The following RNF6 variants were observed in gnomAD, a reference collection of about 807,000 sequenced individuals.
The protein encoded by RNF6 is E3 ubiquitin-protein ligase RNF6.
A neutral mutation model predicts 50.1 loss-of-function variants in RNF6; 21 were observed. That is an observed-to-expected ratio of 0.42 (90% confidence interval 0.30 to 0.60). RNF6 has a LOEUF of 0.60. Ranked by LOEUF, RNF6 falls within the 20% of genes least tolerant of loss-of-function variation. RNF6 has a pLI of 0.20. For synonymous variants in RNF6, 255 were observed against 291.8 expected, an observed-to-expected ratio of 0.87 and a Z score of 1.29; for missense variants, 698 against 838.2, an observed-to-expected ratio of 0.83 and a Z score of 2.07.
intron 5 of RNF6, among the ~76,000 whole-genome samples, chr13:26,184,215 C>G (rs1027167743): frequency 2.6e-5 from 4 of 151,314 alleles, no homozygotes; most frequent in Admixed American, 6.6e-5. Context: ...GTATTTTTAG[C>G]AGAGACGGGG....
Position 26,163,831 on chromosome 13 carries a change from G to A in RNF6, n.769-31380C>T, listed in dbSNP as rs1447497753. On this transcript the variant is annotated intron_variant and non_coding_transcript_variant, in intron 5 of 5. Coordinates refer to the RNF6 transcript ENST00000468480. ...GATTTTCTTTTGGAAAATGGATTTT[G>A]AGATCAAAGAGGCTTAGGTTTTATT... 5.9e-5 allele frequency among the ~76,000 whole-genome samples: 9 copies of A among 152,188 alleles called. No homozygotes were observed. In the East Asian group the frequency reaches 1.7e-3, roughly 29 times the overall value.
At chr13:26,155,290 C>T (rs997640952) in intron 5 of RNF6, among the ~76,000 whole-genome samples, 11 of 152,164 alleles carry the variant, frequency 7.2e-5, no homozygotes, top group African/African-American at 2.6e-4. Context: ...ACAAACAAAT[C>T]CTAAATCTAT....
Position 26,134,646 on chromosome 13 carries a change from C to G in RNF6, n.769-2195G>C, listed in dbSNP as rs565221359. Among the ~76,000 whole-genome samples the G allele has an allele frequency of 5.9e-5, 9 of 152,258 alleles. No individual in the cohort carries two copies. In the South Asian group the frequency reaches 1.9e-3, roughly 32 times the overall value. ...GAACACTAGCCCAGTCTGCTTTCTT[C>G]TCCCAAACTTTCAGAGTCTTCGTAG... On this transcript the variant is annotated intron_variant and non_coding_transcript_variant, in intron 5 of 5. Transcript: ENST00000468480.
Position 26,217,962 on chromosome 13 carries a change from A to T in RNF6, c.289+549T>A, listed in dbSNP as rs1870066461. ...GTAACTAATACAATGATTTTGATATAATATGTGAAACTACTAATAAATACC... is the reference window on the plus strand; with the variant it reads ...GTAACTAATACAATGATTTTGATATTATATGTGAAACTACTAATAAATACC... On this transcript the variant is annotated intron_variant, in intron 4 of 4. Coordinates refer to ENST00000381588, the MANE Select transcript of RNF6 (RefSeq NM_005977.4). 2.0e-5 allele frequency among the ~76,000 whole-genome samples: 3 copies of T among 152,346 alleles called. No homozygotes were observed. In the South Asian group the frequency reaches 6.2e-4, roughly 32 times the overall value.
chr13:26,170,552 A>G (rs1209921769), intron 5 of RNF6, among the ~76,000 whole-genome samples: 1 of 152,192 alleles, frequency 6.6e-6, no homozygotes, highest in Admixed American at 6.5e-5. Flanking sequence ...TGCTGAAAAT[A>G]AATAAAGCCC....
intron 5 of RNF6, among the ~76,000 whole-genome samples, chr13:26,173,404 AATAG>A (rs572447437): frequency 2.2e-4 from 34 of 152,356 alleles, no homozygotes; most frequent in Non-Finnish European, 3.5e-4. Context: ...ACTATCAATA[AATAG>A]ATAGAAAGAC....
intron 5 of RNF6, among the ~76,000 whole-genome samples, chr13:26,177,261 T>C (rs1873001966): frequency 6.6e-6 from 1 of 152,198 alleles, no homozygotes; most frequent in African/African-American, 2.4e-5. Flanking sequence ...GCAGTGTCTA[T>C]ACCAGCGACT....
At chr13:26,197,390 A>C (rs561562850) in intron 5 of RNF6, among the ~76,000 whole-genome samples, 1 of 152,084 alleles carries the variant, frequency 6.6e-6, no homozygotes, top group East Asian at 1.9e-4. Flanking sequence ...AGGACCTAAA[A>C]GCCATTCCTT....
At chr13:26,143,764 A>G (rs1009908463) in intron 5 of RNF6, among the ~76,000 whole-genome samples, 1 of 152,220 alleles carries the variant, frequency 6.6e-6, no homozygotes, top group African/African-American at 2.4e-5. Context: ...CTATCAAGCC[A>G]GGTCCTTCAG....
intron 5 of RNF6, among the ~76,000 whole-genome samples, chr13:26,204,646 G>C (rs1284370317): frequency 6.6e-6 from 1 of 152,074 alleles, no homozygotes; most frequent in Non-Finnish European, 1.5e-5. Context: ...GTGTTTAGAA[G>C]ACGTCCATCT....
intron 5 of RNF6, among the ~76,000 whole-genome samples, chr13:26,186,271 C>T (rs1421161910): frequency 6.6e-6 from 1 of 152,362 alleles, no homozygotes; most frequent in East Asian, 1.9e-4. Context: ...GGAAATCTGA[C>T]ACATCTGGAG....
chr13:26,148,175 A>C (rs897202976), intron 5 of RNF6, among the ~76,000 whole-genome samples: 1 of 152,076 alleles, frequency 6.6e-6, no homozygotes, highest in African/African-American at 2.4e-5. Flanking sequence ...ACCATACTTT[A>C]AAACCATCAG....
chr13:26,163,293 C>G (rs1231829285), intron 5 of RNF6, among the ~76,000 whole-genome samples: 1 of 149,944 alleles, frequency 6.7e-6, no homozygotes, highest in Non-Finnish European at 1.5e-5. Context: ...GCCTGGGAGA[C>G]AGAGAGAGAC....
chr13:26,169,340 C>T (rs539963498), intron 5 of RNF6, among the ~76,000 whole-genome samples: 4 of 151,396 alleles, frequency 2.6e-5, no homozygotes, highest in South Asian at 2.1e-4. Flanking sequence ...TAGGGAAAGA[C>T]GAAAGGGGAG....
chr13:26,154,905 C>T (rs551600573), intron 5 of RNF6, among the ~76,000 whole-genome samples: 1 of 152,172 alleles, frequency 6.6e-6, no homozygotes, highest in South Asian at 2.1e-4. Flanking sequence ...TGGCGCACAC[C>T]TGTAATCCAA....
At chr13:26,188,823 T>C (rs1476809389) in intron 5 of RNF6, among the ~76,000 whole-genome samples, 3 of 150,718 alleles carry the variant, frequency 2.0e-5, no homozygotes, top group Non-Finnish European at 3.0e-5. Flanking sequence ...AGAGATGAGG[T>C]TTCAACATGT....
At chr13:26,181,790 G>A (rs376920980) in intron 5 of RNF6, among the ~76,000 whole-genome samples, 1 of 152,200 alleles carries the variant, frequency 6.6e-6, no homozygotes, top group African/African-American at 2.4e-5. Context: ...GGATGCTACA[G>A]GTTCTTAATT....
intron 5 of RNF6, among the ~76,000 whole-genome samples, chr13:26,186,901 C>T (rs1593175480): frequency 6.6e-6 from 1 of 152,150 alleles, no homozygotes; most frequent in Non-Finnish European, 1.5e-5. Context: ...CCTCAGCCTC[C>T]CGAGTAGCTG....
chr13:26,163,698 C>T (rs920808998), intron 5 of RNF6, among the ~76,000 whole-genome samples: 1 of 152,104 alleles, frequency 6.6e-6, no homozygotes, highest in Non-Finnish European at 1.5e-5. Flanking sequence ...ATCTGAGATC[C>T]CTCCTGCATC....
Sources: allele counts gnomAD v4.1 joint callset (sites outside exome capture counted in the v4.1 genomes callset), GRCh38; gene constraint gnomAD v4.1.1; transcripts MANE v1.5; gene names NCBI Gene and HGNC (gene_info 2026-07-23, HGNC 2026-07-21).